Variants in TMTC1 observed in about 807,000 individuals in gnomAD.
The protein encoded by TMTC1 is protein O-mannosyl-transferase TMTC1.
Under a neutral mutation model 104.8 loss-of-function variants are expected in TMTC1, and 73 were observed. The observed-to-expected ratio is 0.70, with a 90% confidence interval of 0.58 to 0.85. TMTC1 has a LOEUF of 0.85. Among genes scored for constraint, TMTC1 ranks in the 40% least tolerant of loss-of-function variants. The probability of loss-of-function intolerance (pLI) is 0.00; values close to 1 mark genes in which losing one functional copy is unlikely to be tolerated. For synonymous variants in TMTC1, 434 were observed against 428.7 expected, an observed-to-expected ratio of 1.01 and a Z score of -0.15; for missense variants, 1,035 against 1,096.1, an observed-to-expected ratio of 0.94 and a Z score of 0.79.
At chr12:29,756,743 A>C (rs1187286538) in intron 3 of TMTC1, among the ~76,000 whole-genome samples, 1 of 152,196 alleles carries the variant, frequency 6.6e-6, no homozygotes, top group Non-Finnish European at 1.5e-5. Flanking sequence ...ATTCCATTGA[A>C]GTAAAGGCCA....
intron 5 of TMTC1, among the ~76,000 whole-genome samples, chr12:29,670,945 A>AAAAAGG (rs1940484590): frequency 9.3e-6 from 1 of 107,124 alleles, no homozygotes; most frequent in African/African-American, 5.2e-5. Flanking sequence ...AAAAAAAAAG[A>AAAAAGG]AAAAAAAGGA....
rs564305971 is a variant in TMTC1 at position 29,769,146 on chromosome 12, G to A, written c.303-1071C>T. Among the ~76,000 whole-genome samples the A allele has an allele frequency of 3.3e-4, 51 of 152,270 alleles. 1 individual carries two copies. The highest frequency in any genetic ancestry group is 7.0e-4 in the African/African-American group (29 of 41,556). On this transcript the variant is annotated intron_variant, in intron 1 of 17. Coordinates refer to ENST00000539277, the MANE Select transcript of TMTC1 (RefSeq NM_001193451.2). ...AAAGTCAGCTTTAGAGATGACATAC[G>A]CGTATTCTAAATAATTGACGTAATT...
At chr12:29,782,463 C>A (rs12811019) in intron 1 of TMTC1, among the ~76,000 whole-genome samples, 100,286 of 151,580 alleles carry the variant, frequency 0.66, 33,476 homozygotes, top group South Asian at 0.8. Flanking sequence ...ACACCCGTTG[C>A]AAAAAGGCTT....
intron 11 of TMTC1, among the ~76,000 whole-genome samples, chr12:29,523,201 A>G (rs1338314850): frequency 6.6e-6 from 1 of 152,246 alleles, no homozygotes; most frequent in Non-Finnish European, 1.5e-5. Flanking sequence ...ACTTTAGACA[A>G]ATTAAATGTA....
intron 5 of TMTC1, among the ~76,000 whole-genome samples, chr12:29,678,763 G>A (rs368437206): frequency 2.6e-5 from 4 of 152,080 alleles, no homozygotes; most frequent in African/African-American, 9.6e-5. Flanking sequence ...AAGAACTTAG[G>A]TAAGCAACAT....
intron 2 of TMTC1, among the ~76,000 whole-genome samples, chr12:29,763,838 C>A (rs917771142): frequency 1.3e-5 from 2 of 151,996 alleles, no homozygotes; most frequent in African/African-American, 4.8e-5. Context: ...ACAAGAATGG[C>A]AGAGAAAGAG....
chr12:29,755,008 A>T (rs1943181794), intron 4 of TMTC1, among the ~76,000 whole-genome samples: 1 of 152,202 alleles, frequency 6.6e-6, no homozygotes, highest in African/African-American at 2.4e-5. Flanking sequence ...AATTACTGAA[A>T]AATGGGGCCT....
intron 5 of TMTC1, among the ~76,000 whole-genome samples, chr12:29,741,361 G>A (rs1010321594): frequency 3.9e-5 from 6 of 152,156 alleles, no homozygotes; most frequent in African/African-American, 1.4e-4. Context: ...AACTACACAG[G>A]CCAATGGAGT....
chr12:29,502,989 A>C lies in TMTC1; in HGVS notation c.*3857T>G, dbSNP rs928895218. On this transcript the variant is annotated 3_prime_UTR_variant, in exon 18 of 18. Coordinates refer to ENST00000539277, the MANE Select transcript of TMTC1 (RefSeq NM_001193451.2). ...TGGAATGTTTTACAATGAAAACAGG[A>C]AACCCACATTTGCTCTGTTTCGCCT... The C allele has an allele frequency of 6.6e-6, 1 of 152,230 alleles. No individual in the cohort carries two copies. Among genetic ancestry groups the C allele is most frequent in the Non-Finnish European group, 1.5e-5 (1 of 68,048 alleles). 9.4% of individuals were successfully genotyped at this position (152,230 alleles called of 1,614,324 possible).
chr12:29,736,849 CCACAAAGTGAT>C (rs1942689778), intron 5 of TMTC1, among the ~76,000 whole-genome samples: 1 of 152,170 alleles, frequency 6.6e-6, no homozygotes, highest in African/African-American at 2.4e-5. Flanking sequence ...TTTGAAATGT[CCACAAAGTGAT>C]ACTTAACCAG....
intron 5 of TMTC1, among the ~76,000 whole-genome samples, chr12:29,700,531 C>A (rs1473577992): frequency 6.6e-6 from 1 of 152,082 alleles, no homozygotes; most frequent in East Asian, 1.9e-4. Context: ...CTCCTAAGAT[C>A]CAACTTGCCC....
intron 5 of TMTC1, among the ~76,000 whole-genome samples, chr12:29,700,284 G>A (rs1324277284): frequency 2.7e-5 from 4 of 150,416 alleles, no homozygotes; most frequent in African/African-American, 7.4e-5. Context: ...CCAGGCTGGA[G>A]TGCAGTGGTG....
At chr12:29,660,909 C>A in intron 5 of TMTC1, 1 of 1,427,158 alleles carries the variant, frequency 7.0e-7, no homozygotes, top group Middle Eastern at 1.8e-4. Context: ...GAAAAAAAAT[C>A]TTAGATAAGT....
chr12:29,654,824 G>A (rs1341977451), intron 5 of TMTC1, among the ~76,000 whole-genome samples: 3 of 152,114 alleles, frequency 2.0e-5, no homozygotes, highest in East Asian at 3.9e-4. Flanking sequence ...GATGAACCTT[G>A]ATAACCTGCT....
At chr12:29,527,053 G>T (rs772067256) in intron 11 of TMTC1, among the ~76,000 whole-genome samples, 53 of 152,224 alleles carry the variant, frequency 3.5e-4, no homozygotes, top group Non-Finnish European at 5.1e-4. Context: ...GTTAGTTGAG[G>T]TCAAAAAGAC....
At chr12:29,679,311 T>C (rs1940834524) in intron 5 of TMTC1, among the ~76,000 whole-genome samples, 1 of 152,186 alleles carries the variant, frequency 6.6e-6, no homozygotes, top group African/African-American at 2.4e-5. Flanking sequence ...ATATGATTCA[T>C]GTATTTTAAT....
chr12:29,656,032 C>G (rs1169158726), intron 5 of TMTC1, among the ~76,000 whole-genome samples: 1 of 152,050 alleles, frequency 6.6e-6, no homozygotes, highest in African/African-American at 2.4e-5. Context: ...ACCTGGCAAG[C>G]CCCTGGTTAC....
chr12:29,642,741 T>C (rs888872570), intron 5 of TMTC1, among the ~76,000 whole-genome samples: 2 of 151,982 alleles, frequency 1.3e-5, no homozygotes, highest in African/African-American at 2.4e-5. Context: ...CTGGCTAACA[T>C]GGTGAAACCC....
intron 9 of TMTC1, among the ~76,000 whole-genome samples, chr12:29,558,258 GA>G (rs1012705587): frequency 6.6e-6 from 1 of 152,124 alleles, no homozygotes; most frequent in African/African-American, 2.4e-5. Flanking sequence ...TTTTAATGTA[GA>G]AATGCCAAGA....
Sources: allele counts gnomAD v4.1 joint callset (sites outside exome capture counted in the v4.1 genomes callset), GRCh38; gene constraint gnomAD v4.1.1; transcripts MANE v1.5; gene names NCBI Gene and HGNC (gene_info 2026-07-23, HGNC 2026-07-21).